Variants in DIP2C observed in about 807,000 individuals in gnomAD.
DIP2C encodes DIP2 acetate--CoA ligase C (putative).
A neutral mutation model predicts 192.4 loss-of-function variants in DIP2C; 33 were observed. The ratio of observed to expected loss-of-function variants is 0.17; its 90% CI spans 0.13 to 0.23. The LOEUF is 0.23. Among genes scored for constraint, DIP2C ranks in the 10% least tolerant of loss-of-function variants. The pLI is 1.00. For synonymous variants in DIP2C, 979 were observed against 864.1 expected, an observed-to-expected ratio of 1.13 and a Z score of -2.33; for missense variants, 1,537 against 2,110.1, an observed-to-expected ratio of 0.73 and a Z score of 5.32.
At chr10:351,430 G>GCCAGGA (rs1372215353) in intron 24 of DIP2C, among the ~76,000 whole-genome samples, 3 of 152,166 alleles carry the variant, frequency 2.0e-5, no homozygotes, top group African/African-American at 7.2e-5. Flanking sequence ...CTGCGCCAGG[G>GCCAGGA]CCAGGACCAG....
intron 10 of DIP2C, among the ~76,000 whole-genome samples, chr10:393,093 C>T (rs1202364664): frequency 1.3e-5 from 2 of 152,122 alleles, no homozygotes; most frequent in African/African-American, 4.8e-5. Context: ...GGAAAGGTGG[C>T]GTCGGCCTCA....
chr10:367,218 C>T (rs957484612), intron 18 of DIP2C, among the ~76,000 whole-genome samples: 62 of 152,230 alleles, frequency 4.1e-4, no homozygotes, highest in African/African-American at 6.0e-4. Flanking sequence ...GAGATCGAGA[C>T]CATCCTGGCT....
intron 1 of DIP2C, among the ~76,000 whole-genome samples, chr10:560,394 GAA>G (rs777105079): frequency 2.8e-4 from 43 of 151,338 alleles, no homozygotes; most frequent in Non-Finnish European, 5.8e-4. Flanking sequence ...AAAAAAAAAA[GAA>G]AAAAGTGTCA....
At chr10:542,899 C>T (rs892679485) in intron 1 of DIP2C, among the ~76,000 whole-genome samples, 2 of 151,946 alleles carry the variant, frequency 1.3e-5, no homozygotes, top group Non-Finnish European at 2.9e-5. Context: ...GTGGGGGGTT[C>T]TGACCCTGCC....
chr10:331,373 T>C (rs1165028829), intron 29 of DIP2C, among the ~76,000 whole-genome samples: 1 of 152,234 alleles, frequency 6.6e-6, no homozygotes, highest in Non-Finnish European at 1.5e-5. Flanking sequence ...AATTTTCCAT[T>C]TCTTTCCTCA....
chr10:408,804 TA>T, intron 9 of DIP2C, 121 bp downstream of exon 9: 3 of 853,708 alleles, frequency 3.5e-6, no homozygotes, highest in South Asian at 1.8e-5. Flanking sequence ...CAGTTAAGAA[TA>T]AAAACTTGCT....
chr10:585,695 C>G (rs1850979950), intron 1 of DIP2C, among the ~76,000 whole-genome samples: 2 of 152,260 alleles, frequency 1.3e-5, no homozygotes, highest in East Asian at 1.9e-4. Context: ...TGGGAACCAC[C>G]ACTCTGCTCT....
chr10:590,094 G>A (rs752861390), intron 1 of DIP2C, among the ~76,000 whole-genome samples: 34 of 152,186 alleles, frequency 2.2e-4, no homozygotes, highest in African/African-American at 5.5e-4. Context: ...TCCTCTAAAC[G>A]GGAGGTCCCG....
At chr10:522,251 G>A (rs1846759048) in intron 1 of DIP2C, among the ~76,000 whole-genome samples, 1 of 152,234 alleles carries the variant, frequency 6.6e-6, no homozygotes, top group Non-Finnish European at 1.5e-5. Flanking sequence ...TCTTTTCATG[G>A]ATTAGTGGTC....
intron 33 of DIP2C, among the ~76,000 whole-genome samples, chr10:287,007 C>T (rs1955175581): frequency 6.6e-6 from 1 of 151,586 alleles, no homozygotes; most frequent in Non-Finnish European, 1.5e-5. Flanking sequence ...GTGTGGATCT[C>T]CAGCTCATCT....
chr10:637,978 C>A (rs763009095), intron 1 of DIP2C, among the ~76,000 whole-genome samples: 1 of 152,218 alleles, frequency 6.6e-6, no homozygotes, highest in Non-Finnish European at 1.5e-5. Flanking sequence ...AAGACTCCTG[C>A]CCAAGGCCTA....
At chr10:670,252 G>A (rs965297660) in intron 1 of DIP2C, among the ~76,000 whole-genome samples, 13 of 151,346 alleles carry the variant, frequency 8.6e-5, no homozygotes, top group African/African-American at 2.7e-4. Flanking sequence ...ATGCACACAC[G>A]TACATGCACA....
At chr10:472,842 G>A (rs1354611688) in intron 2 of DIP2C, among the ~76,000 whole-genome samples, 1 of 152,180 alleles carries the variant, frequency 6.6e-6, no homozygotes, top group African/African-American at 2.4e-5. Flanking sequence ...TGAATTCCTG[G>A]GAGTCAGGAT....
At chr10:303,058 A>G (rs1050426626) in intron 32 of DIP2C, among the ~76,000 whole-genome samples, 5 of 152,202 alleles carry the variant, frequency 3.3e-5, no homozygotes, top group Admixed American at 2.0e-4. Context: ...ACGCGACTGT[A>G]GATTTGTAAA....
chr10:432,169 G>A (rs548724180), intron 4 of DIP2C, among the ~76,000 whole-genome samples: 1 of 151,992 alleles, frequency 6.6e-6, no homozygotes, highest in Non-Finnish European at 1.5e-5. Context: ...ATGTTTTCTT[G>A]TAATATTTTG....
At chr10:298,129 C>T (rs1047443118) in intron 32 of DIP2C, among the ~76,000 whole-genome samples, 3 of 152,192 alleles carry the variant, frequency 2.0e-5, no homozygotes, top group Non-Finnish European at 4.4e-5. Flanking sequence ...ATATCCCCTT[C>T]CTGTCCCAGG....
At chr10:670,403 TATC>T (rs1242282979) in intron 1 of DIP2C, among the ~76,000 whole-genome samples, 8 of 152,188 alleles carry the variant, frequency 5.3e-5, no homozygotes, top group South Asian at 2.1e-4. Flanking sequence ...CATACGTAAG[TATC>T]ATCTCAGGTA....
In DIP2C at chr10:634,527, C is replaced by T. The variant is rs146093603; in HGVS notation, c.85+54967G>A. On this transcript the variant is annotated intron_variant, in intron 1 of 36. Coordinates refer to ENST00000280886, the MANE Select transcript of DIP2C (RefSeq NM_014974.3). ...CAGTACTACACTGAAATTAGTTCAA[C>T]GGCAGGCCACCAATTAGTACTTACT... Among the ~76,000 whole-genome samples the T allele has an allele frequency of 3.1e-3, 469 of 152,238 alleles. 1 individual carries two copies. The highest frequency in any genetic ancestry group is 0.01 in the African/African-American group (432 of 41,536).
intron 1 of DIP2C, among the ~76,000 whole-genome samples, chr10:549,379 G>A (rs1848472524): frequency 6.6e-6 from 1 of 152,132 alleles, no homozygotes; most frequent in Non-Finnish European, 1.5e-5. Context: ...TAAGCACCAA[G>A]TACAGCCTGA....
Sources: gnomAD v4.1 joint callset for allele counts (sites outside exome capture counted in the v4.1 genomes callset) on GRCh38, gnomAD v4.1.1 for gene constraint, MANE v1.5 for transcripts, NCBI Gene and HGNC (gene_info 2026-07-23, HGNC 2026-07-21) for gene names.